Variants in VPS13B observed in about 807,000 individuals in gnomAD.
VPS13B encodes the protein intermembrane lipid transfer protein VPS13B.
A neutral mutation model predicts 426.4 loss-of-function variants in VPS13B; 285 were observed. The ratio of observed to expected loss-of-function variants is 0.67; its 90% CI spans 0.61 to 0.74. The LOEUF (loss-of-function observed/expected upper bound fraction) is 0.74, where lower values mean the gene tolerates loss of function less well. VPS13B is among the 30% of genes least tolerant of loss of function. The probability of loss-of-function intolerance (pLI) is 0.00; values close to 1 mark genes in which losing one functional copy is unlikely to be tolerated. For missense variants in VPS13B, 4,537 were observed against 4,782.6 expected, an observed-to-expected ratio of 0.95 and a Z score of 1.51; for synonymous variants, 1,676 against 1,676.4, an observed-to-expected ratio of 1.00 and a Z score of 0.01.
chr8:99,660,061 G>T (rs1830164725), intron 34 of VPS13B, among the ~76,000 whole-genome samples: 1 of 152,174 alleles, frequency 6.6e-6, no homozygotes, highest in South Asian at 2.1e-4. Context: ...GTGTTACTAT[G>T]AAATGGATCT....
At chr8:99,637,964 C>A (rs117796735) in intron 33 of VPS13B, among the ~76,000 whole-genome samples, 14 of 152,030 alleles carry the variant, frequency 9.2e-5, no homozygotes, top group Non-Finnish European at 1.8e-4. Context: ...GTTTGTAATG[C>A]CTCAAAATAT....
chr8:99,355,280 A>T (rs997319188), intron 19 of VPS13B, among the ~76,000 whole-genome samples: 2 of 152,118 alleles, frequency 1.3e-5, no homozygotes, highest in Non-Finnish European at 2.9e-5. Context: ...AAAAATTCCA[A>T]CTGCTTTTCT....
chr8:99,013,548 C>G (rs1016872356), intron 1 of VPS13B, among the ~76,000 whole-genome samples: 1 of 152,232 alleles, frequency 6.6e-6, no homozygotes, highest in Admixed American at 6.5e-5. Context: ...CTTCTGGTCA[C>G]TACGTCTTCC....
intron 34 of VPS13B, among the ~76,000 whole-genome samples, chr8:99,653,242 G>A (rs1829893068): frequency 6.6e-6 from 1 of 152,168 alleles, no homozygotes. Context: ...GTGATTATTA[G>A]TATTAAAAGG....
At position 99,862,074 on chromosome 8, in the gene VPS13B, T is replaced by C. The variant is rs886653685; in HGVS notation, c.11215+128T>C. On this transcript the variant is annotated intron_variant, in intron 58 of 61. Transcript: ENST00000357162. ...AAATGCTCAGAGAAGGTAAGGCACT[T>C]GCTCTGAGTTCTACAGTGCGTCCCG... is the stretch of plus-strand genomic sequence containing the variant. The C allele has an allele frequency of 2.6e-6, 3 of 1,155,634 alleles. No homozygotes were observed. The African/African-American group carries it at 4.6e-5, about 18-fold the overall frequency. The allele number at this position is 1,155,634 out of a possible 1,614,324, so 71.6% of individuals were successfully genotyped here.
In VPS13B at chr8:99,823,884, A is replaced by G; in HGVS notation, c.9236A>G (p.Gln3079Arg). Reference protein sequence around the residue: ...SMVQQGIQIIQIEDKTTIINN... With the variant: ...SMVQQGIQIIRIEDKTTIINN... The stretch of plus-strand genomic sequence containing the variant: ...GTACAGCAAGGTATACAAATTATTC[A>G]GATTGAAGACAAGACTACAATAATC... Residue 3079 changes from glutamine (Q) to arginine (R), a missense_variant, in exon 51 of 62, where the codon CAG (glutamine) becomes CGG (arginine). Gln to Arg is a conservative substitution (Grantham distance 43, BLOSUM62 1). Transcript: ENST00000357162. The G allele has an allele frequency of 6.2e-7, 1 of 1,613,630 alleles. No homozygotes were observed. Among genetic ancestry groups the G allele is most frequent in the South Asian group, 1.1e-5 (1 of 91,074 alleles).
In VPS13B at chr8:99,102,975, A is replaced by G; in HGVS notation, c.435A>G (p.Arg145=). 2 of 1,609,662 alleles carry G rather than the reference A, an allele frequency of 1.2e-6. No homozygotes were observed. Among genetic ancestry groups the G allele is most frequent in the Non-Finnish European group, 1.7e-6 (2 of 1,176,310 alleles). The change falls in exon 5 of 62, where the codon AGA becomes AGG. Residue 145 remains arginine (R), a synonymous_variant. Coordinates refer to ENST00000357162, the MANE Select transcript of VPS13B (RefSeq NM_152564.5). ...LPPGYVQSLI[R]RVVNNVNIVI... ...TAGGTTATGTGCAGAGTCTGATTAG[A>G]CGAGTTGTAAATAATGTAAACATTG... is the stretch of plus-strand genomic sequence containing the variant.
intron 33 of VPS13B, among the ~76,000 whole-genome samples, chr8:99,625,687 C>T (rs192520557): frequency 1.3e-5 from 2 of 151,486 alleles, no homozygotes; most frequent in African/African-American, 4.8e-5. Flanking sequence ...AACCCTGTCT[C>T]TACAAAAAAT....
At chr8:99,102,634 G>C (rs925680222) in intron 4 of VPS13B, among the ~76,000 whole-genome samples, 5 of 152,064 alleles carry the variant, frequency 3.3e-5, no homozygotes, top group African/African-American at 1.2e-4. Context: ...ATCAAACAAA[G>C]TACTTGTAGA....
At chr8:99,025,438 C>T (rs1268577298) in intron 2 of VPS13B, among the ~76,000 whole-genome samples, 2 of 152,150 alleles carry the variant, frequency 1.3e-5, no homozygotes, top group Non-Finnish European at 2.9e-5. Flanking sequence ...GGTGTATAAT[C>T]ATTTTGCTGT....
intron 30 of VPS13B, among the ~76,000 whole-genome samples, chr8:99,543,083 A>G (rs1823720650): frequency 1.3e-5 from 2 of 152,222 alleles, no homozygotes; most frequent in South Asian, 2.1e-4. Flanking sequence ...TACAGTAACC[A>G]AAGCAGCATG....
At chr8:99,506,766 T>C (rs1207060180) in intron 27 of VPS13B, among the ~76,000 whole-genome samples, 1 of 151,942 alleles carries the variant, frequency 6.6e-6, no homozygotes, top group East Asian at 1.9e-4. Flanking sequence ...CTAAGGTGGG[T>C]GGATTGCTTG....
intron 8 of VPS13B, among the ~76,000 whole-genome samples, chr8:99,130,600 C>T (rs1273474023): frequency 6.6e-6 from 1 of 152,072 alleles, no homozygotes; most frequent in Non-Finnish European, 1.5e-5. Flanking sequence ...CCGTGTTAGC[C>T]AGGATGGTCT....
intron 43 of VPS13B, among the ~76,000 whole-genome samples, chr8:99,787,482 A>G (rs965608447): frequency 1.3e-5 from 2 of 152,198 alleles, no homozygotes; most frequent in African/African-American, 4.8e-5. Flanking sequence ...GAATATATTC[A>G]GCTGCACAGA....
chr8:99,251,738 G>A (rs544643791), intron 17 of VPS13B, among the ~76,000 whole-genome samples: 2 of 152,024 alleles, frequency 1.3e-5, no homozygotes, highest in Non-Finnish European at 2.9e-5. Context: ...AAGATATTGT[G>A]TAGAAGAGAT....
At chr8:99,075,575 C>G (rs2132347776) in intron 3 of VPS13B, among the ~76,000 whole-genome samples, 1 of 152,244 alleles carries the variant, frequency 6.6e-6, no homozygotes, top group East Asian at 1.9e-4. Flanking sequence ...ATCAATTGGT[C>G]TGTTCAGGTT....
intron 30 of VPS13B, among the ~76,000 whole-genome samples, chr8:99,531,098 A>T (rs1319673865): frequency 6.6e-6 from 1 of 152,234 alleles, no homozygotes; most frequent in East Asian, 1.9e-4. Flanking sequence ...TGTGTTCCTT[A>T]AAATAGTCTT....
At chr8:99,026,717 A>G (rs1007732870) in intron 2 of VPS13B, among the ~76,000 whole-genome samples, 1 of 152,180 alleles carries the variant, frequency 6.6e-6, no homozygotes, top group Non-Finnish European at 1.5e-5. Flanking sequence ...GTCTCCTTAT[A>G]TAGTTTGTGA....
intron 33 of VPS13B, among the ~76,000 whole-genome samples, chr8:99,602,727 T>TA (rs1414283825): frequency 1.1e-4 from 16 of 152,234 alleles, no homozygotes; most frequent in Non-Finnish European, 1.6e-4. Context: ...CAAGCATTCC[T>TA]ATACACCAAT....
Sources: gnomAD v4.1 joint callset for allele counts (sites outside exome capture counted in the v4.1 genomes callset) on GRCh38, gnomAD v4.1.1 for gene constraint, MANE v1.5 for transcripts, NCBI Gene and HGNC (gene_info 2026-07-23, HGNC 2026-07-21) for gene names.